Variants in TRPM3 observed in about 807,000 individuals in gnomAD.
TRPM3 encodes long transient receptor potential channel 3.
Under a neutral mutation model 181.2 loss-of-function variants are expected in TRPM3, and 77 were observed. The observed-to-expected ratio is 0.42, with a 90% CI of 0.35 to 0.51. The LOEUF (loss-of-function observed/expected upper bound fraction) is 0.51, where lower values mean the gene tolerates loss of function less well. Among genes scored for constraint, TRPM3 ranks in the 20% least tolerant of loss-of-function variants. TRPM3 has a pLI of 0.01. For synonymous variants in TRPM3, 745 were observed against 796.4 expected, an observed-to-expected ratio of 0.94 and a Z score of 1.09; for missense variants, 1,759 against 2,196.7, an observed-to-expected ratio of 0.80 and a Z score of 3.98.
intron 1 of TRPM3, among the ~76,000 whole-genome samples, chr9:70,999,162 T>G (rs1276218163): frequency 6.6e-6 from 1 of 152,202 alleles, no homozygotes; most frequent in Non-Finnish European, 1.5e-5. Flanking sequence ...TGAGTCAGAT[T>G]ATCTGGCCTA....
At chr9:70,777,648 T>C (rs35537583) in intron 7 of TRPM3, among the ~76,000 whole-genome samples, 13,059 of 152,162 alleles carry the variant, frequency 0.086, 577 homozygotes, top group South Asian at 0.11. Flanking sequence ...TACTCCAACC[T>C]ATGCTTCCTT....
intron 1 of TRPM3, among the ~76,000 whole-genome samples, chr9:71,364,377 A>G (rs936106909): frequency 7.2e-5 from 11 of 152,250 alleles, no homozygotes; most frequent in Admixed American, 1.3e-4. Context: ...ATGCCTAATT[A>G]AATGGGATAC....
intron 1 of TRPM3, among the ~76,000 whole-genome samples, chr9:71,168,619 TATTA>T (rs2076674568): frequency 8.4e-5 from 10 of 118,956 alleles, no homozygotes; most frequent in South Asian, 3.0e-4. Flanking sequence ...ATTTTTTTAT[TATTA>T]TTTTTTTATT....
At chr9:70,598,358 A>G in intron 21 of TRPM3, 61 bp downstream of exon 21, 1 of 1,580,372 alleles carries the variant, frequency 6.3e-7, no homozygotes, top group Non-Finnish European at 8.6e-7. Context: ...ATTTCCCTCT[A>G]TCTATTATCA....
rs144643987 is a variant in TRPM3, at chr9:70,676,618, G to A, written c.1345+4888C>T. On this transcript the variant is annotated intron_variant, in intron 9 of 25. Transcript: ENST00000677713. ...GCTGAGAGGAGCAGGTGGACAGAGG[G>A]GTTAGCGGACCTCCCTAAATTCTTG... is the stretch of plus-strand genomic sequence containing the variant. Among the ~76,000 whole-genome samples, 1,105 of 152,232 alleles carry A rather than the reference G, an allele frequency of 7.3e-3. 3 individuals carry two copies. The highest frequency in any genetic ancestry group is 0.01 in the Non-Finnish European group (691 of 68,002).
At chr9:70,931,565 AAGTT>A (rs2096775433) in intron 1 of TRPM3, among the ~76,000 whole-genome samples, 1 of 152,098 alleles carries the variant, frequency 6.6e-6, no homozygotes, top group Non-Finnish European at 1.5e-5. Context: ...AAAGAAGTAA[AAGTT>A]AGAATTGATC....
intron 1 of TRPM3, among the ~76,000 whole-genome samples, chr9:71,096,187 T>A (rs1336925758): frequency 6.6e-6 from 1 of 151,134 alleles, no homozygotes; most frequent in Non-Finnish European, 1.5e-5. Flanking sequence ...AGAAAAAAAA[T>A]GTAAATTCAG....
At chr9:70,669,625 C>T (rs537019580) in intron 9 of TRPM3, among the ~76,000 whole-genome samples, 1 of 152,152 alleles carries the variant, frequency 6.6e-6, no homozygotes, top group African/African-American at 2.4e-5. Flanking sequence ...AATAGATGAA[C>T]CTTGAGGGCA....
At chr9:70,828,119 T>C (rs3750404) in intron 5 of TRPM3, 101 bp from the exon 6 acceptor site, 13 of 1,215,092 alleles carry the variant, frequency 1.1e-5, no homozygotes, top group East Asian at 2.3e-5. Flanking sequence ...AGAACATCAG[T>C]TCTGTGGTAC....
At chr9:70,780,710 G>T (rs1395721686) in intron 7 of TRPM3, among the ~76,000 whole-genome samples, 1 of 152,066 alleles carries the variant, frequency 6.6e-6, no homozygotes, top group East Asian at 1.9e-4. Context: ...ATTTTATCAT[G>T]ATGAATTTAT....
Position 70,777,953 on chromosome 9 carries a change from GGATT to G in TRPM3, c.1148+6148_1148+6151del, listed in dbSNP as rs1474321867. ...TATGTATACGTAAAGTAATCTTATT[GGATT>G]AATTTTATTAGTGTATATAAATTTA... On this transcript the variant is annotated intron_variant, in intron 7 of 25. Transcript: ENST00000677713. Among the ~76,000 whole-genome samples, 20 of 151,080 alleles carry G rather than the reference GGATT, an allele frequency of 1.3e-4. 1 individual carries two copies.
At chr9:71,012,360 T>A (rs1352984496) in intron 1 of TRPM3, among the ~76,000 whole-genome samples, 1 of 152,026 alleles carries the variant, frequency 6.6e-6, no homozygotes, top group Non-Finnish European at 1.5e-5. Flanking sequence ...GGTTCACCTG[T>A]CTGTGTGCCA....
In TRPM3 at chr9:70,615,974, T is replaced by C. The variant is rs758679221; in HGVS notation, c.2460A>G (p.Gln820=). 2 of 1,613,416 alleles carry C rather than the reference T, an allele frequency of 1.2e-6. No individual in the cohort carries two copies. Among genetic ancestry groups the C allele is most frequent in the East Asian group, 4.5e-5 (2 of 44,838 alleles). The change falls in exon 18 of 26, where the codon CAA becomes CAG. Residue 820 remains glutamine, a synonymous_variant. Transcript: ENST00000677713. The part of the protein sequence containing the change: ...YMSQAQEIHL[Q]EKEAEEPEKP... The stretch of plus-strand genomic sequence containing the variant: ...TCTCTGGTTCTTCTGCCTCCTTCTC[T>C]TGGAGGTGGATTTCCTGGGCCTGAG...
intron 1 of TRPM3, among the ~76,000 whole-genome samples, chr9:71,181,269 A>C (rs1345517566): frequency 6.6e-6 from 1 of 152,090 alleles, no homozygotes; most frequent in East Asian, 1.9e-4. Context: ...TACAACTTTG[A>C]GCCCTAGAAG....
At chr9:70,762,494 C>T (rs1267870190) in intron 7 of TRPM3, among the ~76,000 whole-genome samples, 1 of 152,188 alleles carries the variant, frequency 6.6e-6, no homozygotes, top group African/African-American at 2.4e-5. Flanking sequence ...GCTTTCTCTA[C>T]TAGCCATTAA....
chr9:71,281,278 A>C (rs2084685095), intron 1 of TRPM3, among the ~76,000 whole-genome samples: 1 of 152,212 alleles, frequency 6.6e-6, no homozygotes, highest in Non-Finnish European at 1.5e-5. Flanking sequence ...AGAAGAGGCA[A>C]ACTTTAGCAG....
intron 1 of TRPM3, among the ~76,000 whole-genome samples, chr9:71,296,664 T>G (rs1382812257): frequency 6.6e-6 from 1 of 152,122 alleles, no homozygotes; most frequent in Non-Finnish European, 1.5e-5. Flanking sequence ...GCAAATTATC[T>G]GATATATTTT....
chr9:70,992,657 G>C (rs1008759951), intron 1 of TRPM3, among the ~76,000 whole-genome samples: 2 of 152,162 alleles, frequency 1.3e-5, no homozygotes, highest in African/African-American at 4.8e-5. Context: ...CAGTAGAACT[G>C]AATTTTTAAT....
intron 1 of TRPM3, among the ~76,000 whole-genome samples, chr9:71,056,167 C>A (rs1054467943): frequency 2.6e-5 from 4 of 151,880 alleles, no homozygotes; most frequent in African/African-American, 9.7e-5. Flanking sequence ...TCCTTGAGGG[C>A]ATAATTGGGA....
Sources: allele counts gnomAD v4.1 joint callset (sites outside exome capture counted in the v4.1 genomes callset), GRCh38; gene constraint gnomAD v4.1.1; transcripts MANE v1.5; gene names NCBI Gene and HGNC (gene_info 2026-07-23, HGNC 2026-07-21).